The following DIPK1A variants were observed in gnomAD, a reference collection of about 807,000 sequenced individuals.
The protein encoded by DIPK1A is divergent protein kinase domain 1A, also known as family with sequence similarity 69 member A.
A neutral mutation model predicts 40.8 loss-of-function variants in DIPK1A; 27 were observed. The ratio of observed to expected loss-of-function variants is 0.66; its 90% CI spans 0.49 to 0.91. The LOEUF is 0.91. Ranked by LOEUF, DIPK1A falls within the 40% of genes least tolerant of loss-of-function variation. DIPK1A has a pLI of 0.00. For synonymous variants in DIPK1A, 166 were observed against 171.3 expected (o/e 0.97, Z 0.24); for missense variants, 412 against 505.7 (o/e 0.81, Z 1.78).
chr1:92,937,024 A>G (rs1280783393), intron 1 of DIPK1A, among the ~76,000 whole-genome samples: 1 of 152,262 alleles, frequency 6.6e-6, no homozygotes, highest in East Asian at 1.9e-4. Context: ...ACAATTGAAT[A>G]GGATCATGAG....
intron 1 of DIPK1A, among the ~76,000 whole-genome samples, chr1:92,904,789 C>G (rs1012582524): frequency 1.3e-5 from 2 of 151,956 alleles, no homozygotes; most frequent in Non-Finnish European, 2.9e-5. Context: ...CATTAACTAT[C>G]CCCACTTCCC....
chr1:92,871,566 A>C (rs1647862219), intron 2 of DIPK1A, among the ~76,000 whole-genome samples: 1 of 152,174 alleles, frequency 6.6e-6, no homozygotes, highest in Non-Finnish European at 1.5e-5. Context: ...TGCATCCTTG[A>C]ATTATCAAAG....
intron 1 of DIPK1A, among the ~76,000 whole-genome samples, chr1:92,958,185 G>A (rs1174256119): frequency 6.6e-6 from 1 of 152,206 alleles, no homozygotes; most frequent in Non-Finnish European, 1.5e-5. Flanking sequence ...ATTAGCTCAT[G>A]AATGTCTATT....
intron 2 of DIPK1A, among the ~76,000 whole-genome samples, chr1:92,856,205 TG>T (rs1161377593): frequency 6.6e-6 from 1 of 151,922 alleles, no homozygotes; most frequent in Non-Finnish European, 1.5e-5. Flanking sequence ...AAAAGAGTAG[TG>T]GTGGCAAAAA....
chr1:92,943,039 G>A (rs1449400425), intron 1 of DIPK1A, among the ~76,000 whole-genome samples: 2 of 152,218 alleles, frequency 1.3e-5, no homozygotes, highest in African/African-American at 4.8e-5. Context: ...TTAGAAAACA[G>A]ATGCTGCAGT....
At chr1:92,886,836 T>C (rs1174315755) in intron 1 of DIPK1A, among the ~76,000 whole-genome samples, 2 of 149,732 alleles carry the variant, frequency 1.3e-5, no homozygotes, top group Non-Finnish European at 1.5e-5. Flanking sequence ...TTTATAAATA[T>C]AGCTTATTGG....
intron 1 of DIPK1A, among the ~76,000 whole-genome samples, chr1:92,959,045 G>A (rs1000795623): frequency 6.6e-6 from 1 of 152,180 alleles, no homozygotes; most frequent in African/African-American, 2.4e-5. Context: ...CATCACTTTG[G>A]GAGGTCAAGG....
At chr1:92,892,811 C>T (rs950374753) in intron 1 of DIPK1A, among the ~76,000 whole-genome samples, 2 of 84,436 alleles carry the variant, frequency 2.4e-5, no homozygotes, top group Non-Finnish European at 4.6e-5. Context: ...CTTAAAGGAC[C>T]TGATGGAGCT....
At chr1:92,941,679 C>T (rs1488097757) in intron 1 of DIPK1A, among the ~76,000 whole-genome samples, 5 of 151,980 alleles carry the variant, frequency 3.3e-5, no homozygotes, top group African/African-American at 7.3e-5. Flanking sequence ...AGGATAACGA[C>T]GCAAGTGAAG....
At chr1:92,889,671 A>G (rs1648768626) in intron 1 of DIPK1A, among the ~76,000 whole-genome samples, 1 of 151,910 alleles carries the variant, frequency 6.6e-6, no homozygotes, top group Non-Finnish European at 1.5e-5. Context: ...AACAATTGAC[A>G]GGGTATCACT....
chr1:92,858,878 G>A (rs1688074410), intron 2 of DIPK1A, among the ~76,000 whole-genome samples: 1 of 152,136 alleles, frequency 6.6e-6, no homozygotes, highest in South Asian at 2.1e-4. Context: ...TCAGTAAAAC[G>A]ATATTCTAAA....
At position 92,842,758 on chromosome 1, in the gene DIPK1A, A is replaced by C. The variant is rs933819522; in HGVS notation, c.*625T>G. The C allele has an allele frequency of 2.0e-6, 2 of 985,302 alleles. No individual in the cohort carries two copies. The highest frequency in any genetic ancestry group is 3.5e-5 in the African/African-American group (2 of 57,238). The allele number at this position is 985,302 out of a possible 1,614,324, so 61.0% of individuals were successfully genotyped here. Reference sequence around the variant, plus strand: ...GAAAGTTCATCCATTTTTAGTCAATAAAATTGGTGTACTGTCAAGTATAAG... The same window carrying C: ...GAAAGTTCATCCATTTTTAGTCAATCAAATTGGTGTACTGTCAAGTATAAG... On this transcript the variant is annotated 3_prime_UTR_variant, in exon 5 of 5. Coordinates refer to ENST00000370310, the MANE Select transcript of DIPK1A (RefSeq NM_001006605.5).
intron 2 of DIPK1A, among the ~76,000 whole-genome samples, chr1:92,859,277 CTCG>C (rs1196448826): frequency 2.0e-5 from 3 of 152,132 alleles, no homozygotes; most frequent in Admixed American, 2.0e-4. Context: ...TTCCACGTCT[CTCG>C]TCAACACCCT....
intron 4 of DIPK1A, among the ~76,000 whole-genome samples, chr1:92,835,617 G>A (rs920645728): frequency 7.1e-5 from 10 of 141,152 alleles, no homozygotes; most frequent in Non-Finnish European, 1.5e-4. Context: ...CTGAGATCAC[G>A]CCATTGCACT....
chr1:92,909,245 T>C (rs903750447), intron 1 of DIPK1A, among the ~76,000 whole-genome samples: 1 of 152,206 alleles, frequency 6.6e-6, no homozygotes, highest in Non-Finnish European at 1.5e-5. Flanking sequence ...AAATTCAGTA[T>C]GTCTCATTCT....
At chr1:92,933,072 A>T (rs1650819829) in intron 1 of DIPK1A, 2 of 152,140 alleles carry the variant, frequency 1.3e-5, no homozygotes, top group Non-Finnish European at 2.9e-5. Context: ...TTTTGCCGCA[A>T]ATTTTAAATT....
intron 1 of DIPK1A, among the ~76,000 whole-genome samples, chr1:92,948,694 TAC>T (rs1408159263): frequency 3.4e-5 from 5 of 146,196 alleles, no homozygotes; most frequent in Admixed American, 2.1e-4. Flanking sequence ...TATGTATATA[TAC>T]ACATATGTAT....
At chr1:92,950,635 G>T (rs1651594133) in intron 1 of DIPK1A, among the ~76,000 whole-genome samples, 1 of 152,192 alleles carries the variant, frequency 6.6e-6, no homozygotes, top group Admixed American at 6.5e-5. Flanking sequence ...GCTTGCTTGA[G>T]CCTGGGACGA....
intron 1 of DIPK1A, among the ~76,000 whole-genome samples, chr1:92,887,368 G>T (rs1648657572): frequency 6.6e-6 from 1 of 152,008 alleles, no homozygotes; most frequent in African/African-American, 2.4e-5. Flanking sequence ...CATGGCAGCA[G>T]TGAGCTATGA....
Sources: gnomAD v4.1 joint callset for allele counts (sites outside exome capture counted in the v4.1 genomes callset) on GRCh38, gnomAD v4.1.1 for gene constraint, MANE v1.5 for transcripts, NCBI Gene and HGNC (gene_info 2026-07-23, HGNC 2026-07-21) for gene names.